The following ELFN2 variants were observed in gnomAD, a reference collection of about 807,000 sequenced individuals.
The protein encoded by ELFN2 is protein phosphatase 1 regulatory subunit 29.
In ELFN2, 17 loss-of-function variants were observed where a neutral mutation model predicts 45.5. That is an observed-to-expected ratio of 0.37 (90% confidence interval 0.26 to 0.56). The LOEUF is 0.56. Ranked by LOEUF, ELFN2 falls within the 20% of genes least tolerant of loss-of-function variation. The pLI is 0.77. For synonymous variants in ELFN2, 550 were observed against 551.5 expected, an observed-to-expected ratio of 1.00 and a Z score of 0.04; for missense variants, 922 against 1,183.2, an observed-to-expected ratio of 0.78 and a Z score of 3.24.
intron 1 of ELFN2, among the ~76,000 whole-genome samples, chr22:37,348,909 T>C (rs1024518135): frequency 7.3e-5 from 11 of 150,436 alleles, no homozygotes; most frequent in Admixed American, 7.3e-4. Context: ...GGAGATGAGA[T>C]AGGAAGTGAG....
chr22:37,422,883 C>T (rs1368716480), intron 1 of ELFN2, among the ~76,000 whole-genome samples: 1 of 150,776 alleles, frequency 6.6e-6, no homozygotes, highest in South Asian at 2.1e-4. Flanking sequence ...GTGTGAGCCA[C>T]CACGCCCAAC....
At chr22:37,421,175 T>A (rs893834333) in intron 1 of ELFN2, among the ~76,000 whole-genome samples, 3 of 152,156 alleles carry the variant, frequency 2.0e-5, no homozygotes, top group African/African-American at 7.2e-5. Flanking sequence ...TCAAACTACA[T>A]GTCCAGACTC....
intron 1 of ELFN2, among the ~76,000 whole-genome samples, chr22:37,348,396 C>A (rs543940170): frequency 7.3e-6 from 1 of 137,604 alleles, no homozygotes; most frequent in East Asian, 1.9e-4. Context: ...GAGAAACAAC[C>A]CTGTGTTAGG....
At chr22:37,367,445 C>A (rs535722950), downstream of ELFN2, among the ~76,000 whole-genome samples, 2 of 152,202 alleles carry the variant, frequency 1.3e-5, no homozygotes, top group Non-Finnish European at 2.9e-5. Context: ...GCTGCCCAGG[C>A]CAGGCGTGGA....
intron 2 of ELFN2, among the ~76,000 whole-genome samples, chr22:37,397,481 G>A (rs149073195): frequency 1.3e-5 from 2 of 152,316 alleles, no homozygotes; most frequent in African/African-American, 4.8e-5. Context: ...AAGCCGTCCA[G>A]TACGATGGCT....
intron 2 of ELFN2, among the ~76,000 whole-genome samples, chr22:37,397,065 C>T (rs1350350033): frequency 6.6e-6 from 1 of 152,142 alleles, no homozygotes; most frequent in Non-Finnish European, 1.5e-5. Flanking sequence ...GGTGGGTGAC[C>T]ACCAACACGG....
intron 2 of ELFN2, among the ~76,000 whole-genome samples, chr22:37,405,872 C>T (rs1041066310): frequency 1.3e-5 from 2 of 151,754 alleles, no homozygotes; most frequent in Non-Finnish European, 1.5e-5. Flanking sequence ...CACAATGGCT[C>T]GCGCTTGTCA....
At chr22:37,342,893 C>T (rs113719930) in intron 1 of ELFN2, among the ~76,000 whole-genome samples, 1,592 of 152,234 alleles carry the variant, frequency 0.01, 38 homozygotes, top group African/African-American at 0.037. Context: ...TTCAAGCCCC[C>T]ATTCATTGGA....
intron 2 of ELFN2, among the ~76,000 whole-genome samples, chr22:37,402,430 C>A (rs1435234402): frequency 6.6e-6 from 1 of 152,234 alleles, no homozygotes; most frequent in Non-Finnish European, 1.5e-5. Context: ...CAGACGTGCG[C>A]CTTGCAGTGA....
chr22:37,383,689 T>C (rs150559133), intron 2 of ELFN2, among the ~76,000 whole-genome samples: 291 of 152,366 alleles, frequency 1.9e-3, no homozygotes, highest in Admixed American at 5.2e-3. Flanking sequence ...GCGTTCCACA[T>C]GTATTCCCTG....
rs551475940 is a variant in ELFN2, at chr22:37,376,543, C to T, written c.-462-547G>A. On this transcript the variant is annotated intron_variant, in intron 2 of 2. Coordinates refer to ENST00000402918, the MANE Select transcript of ELFN2 (RefSeq NM_052906.5). Reference sequence around the variant, plus strand: ...AGCAAAATGCCTCCTTTCCTCCATGCCCAAAGATAAATAATTCATTTGTTG... The same window carrying T: ...AGCAAAATGCCTCCTTTCCTCCATGTCCAAAGATAAATAATTCATTTGTTG... Among the ~76,000 whole-genome samples, 6 of 152,340 alleles carry T rather than the reference C, an allele frequency of 3.9e-5. No homozygotes were observed. The South Asian group carries it at 8.3e-4, about 21-fold the overall frequency.
intron 1 of ELFN2, among the ~76,000 whole-genome samples, chr22:37,361,400 G>A (rs1243736549): frequency 3.3e-5 from 5 of 149,792 alleles, no homozygotes. Context: ...CCACCCCCAG[G>A]AGAAGTTCCT....
At chr22:37,341,498 C>G (rs1930559480) in intron 2 of ELFN2, among the ~76,000 whole-genome samples, 1 of 152,228 alleles carries the variant, frequency 6.6e-6, no homozygotes, top group South Asian at 2.1e-4. Flanking sequence ...TGTCCCTGCT[C>G]TGTCACTGGT....
At chr22:37,388,843 G>A (rs1259759209) in intron 2 of ELFN2, among the ~76,000 whole-genome samples, 1 of 152,210 alleles carries the variant, frequency 6.6e-6, no homozygotes, top group Non-Finnish European at 1.5e-5. Context: ...AGGTCTTGGA[G>A]AAAGCCAGTC....
intron 2 of ELFN2, among the ~76,000 whole-genome samples, chr22:37,409,898 G>T (rs567227538): frequency 3.4e-4 from 51 of 152,208 alleles, no homozygotes; most frequent in African/African-American, 1.2e-3. Flanking sequence ...CAGGAAACAC[G>T]GGTCAGTGAC....
At chr22:37,426,573 C>A (rs1932852047) in intron 1 of ELFN2, among the ~76,000 whole-genome samples, 2 of 150,962 alleles carry the variant, frequency 1.3e-5, no homozygotes, top group Non-Finnish European at 3.0e-5. Flanking sequence ...CCCACCCCCT[C>A]CCCGTCCCCT....
chr22:37,396,238 C>G (rs1932209653), intron 2 of ELFN2, among the ~76,000 whole-genome samples: 1 of 152,214 alleles, frequency 6.6e-6, no homozygotes, highest in East Asian at 1.9e-4. Flanking sequence ...CCATCAAAAG[C>G]TTGAATTTTC....
At chr22:37,423,847 G>C (rs1172540672) in intron 1 of ELFN2, among the ~76,000 whole-genome samples, 1 of 152,064 alleles carries the variant, frequency 6.6e-6, no homozygotes, top group Non-Finnish European at 1.5e-5. Context: ...GGGAAGGAGA[G>C]GGGGCTCAAT....
At chr22:37,348,577 G>C (rs1284109700) in intron 1 of ELFN2, among the ~76,000 whole-genome samples, 2 of 150,724 alleles carry the variant, frequency 1.3e-5, no homozygotes, top group South Asian at 2.1e-4. Context: ...GCCCAGCCCC[G>C]GGCCAGATCA....
Sources: gnomAD v4.1 joint callset for allele counts (sites outside exome capture counted in the v4.1 genomes callset) on GRCh38, gnomAD v4.1.1 for gene constraint, MANE v1.5 for transcripts, NCBI Gene and HGNC (gene_info 2026-07-23, HGNC 2026-07-21) for gene names.